Variants in MAP3K15 observed in about 807,000 individuals in gnomAD.
MAP3K15 encodes mitogen-activated protein kinase kinase kinase 15, also known as MAPK/ERK kinase kinase 15.
Under a neutral mutation model 99.5 loss-of-function variants are expected in MAP3K15, and 124 were observed. The observed-to-expected ratio is 1.25, with a 90% confidence interval of 1.08 to 1.45. The LOEUF is 1.45. Among genes scored for constraint, MAP3K15 ranks in the 40% most tolerant of loss-of-function variants. The probability of loss-of-function intolerance (pLI) is 0.00; values close to 1 mark genes in which losing one functional copy is unlikely to be tolerated. For synonymous variants in MAP3K15, 494 were observed against 439.6 expected (o/e 1.12, Z -1.55); for missense variants, 1,242 against 1,079.7 (o/e 1.15, Z -2.11).
At chrX:19,400,183 AGTT>A (rs2063597671) in intron 14 of MAP3K15, among the ~76,000 whole-genome samples, 1 of 112,152 alleles carries the variant, frequency 8.9e-6, no homozygotes, top group Non-Finnish European at 1.9e-5. Flanking sequence ...ATGATTTTAA[AGTT>A]GTTATATTTC....
chrX:19,430,145 C>T (rs187440491), intron 7 of MAP3K15, among the ~76,000 whole-genome samples: 206 of 112,315 alleles, frequency 1.8e-3, no homozygotes, highest in African/African-American at 6.2e-3. Context: ...TTCCTCCACC[C>T]TTTTGAATGT....
intron 7 of MAP3K15, among the ~76,000 whole-genome samples, chrX:19,429,487 G>A (rs974406788): frequency 9.1e-6 from 1 of 110,312 alleles, no homozygotes; most frequent in African/African-American, 3.3e-5. Context: ...GGAGGGTAGA[G>A]AATAGTAGTA....
At chrX:19,366,709 C>A (rs2063337312) in intron 25 of MAP3K15, among the ~76,000 whole-genome samples, 1 of 111,952 alleles carries the variant, frequency 8.9e-6, no homozygotes, top group Non-Finnish European at 1.9e-5. Context: ...TCCATTAAAC[C>A]TCTTACTCTT....
At chrX:19,498,807 G>T (rs1438157061) in intron 1 of MAP3K15, among the ~76,000 whole-genome samples, 1 of 112,187 alleles carries the variant, frequency 8.9e-6, no homozygotes, top group East Asian at 2.8e-4. Context: ...ATGAATCACA[G>T]ATCTAAATGT....
chrX:19,497,500 C>A (rs1218899661), intron 1 of MAP3K15: 2 of 111,704 alleles, frequency 1.8e-5, no homozygotes, highest in African/African-American at 6.5e-5. Context: ...TCTAACAAGT[C>A]TTAAAACTTT....
In MAP3K15 at chrX:19,456,850, AG is replaced by A. The variant is rs757260792; in HGVS notation, c.995+62del. On this transcript the variant is annotated intron_variant, in intron 6 of 28. Coordinates refer to ENST00000338883, the MANE Select transcript of MAP3K15 (RefSeq NM_001001671.4). ...TGGCTCATACCCGATGTTGAATGAA[AG>A]AAGGAAGCACAATTCAATGGGTGGC... is the stretch of plus-strand genomic sequence containing the variant. 2.6e-4 allele frequency: 220 copies of A among 858,579 alleles called. 4 individuals carry two copies. The South Asian group carries it at 4.9e-3, about 19-fold the overall frequency. 70.8% of individuals were successfully genotyped at this position (858,579 alleles called of 1,213,427 possible).
chrX:19,471,261 T>A (rs1262431169), intron 3 of MAP3K15, among the ~76,000 whole-genome samples: 1 of 57,960 alleles, frequency 1.7e-5, no homozygotes, highest in Non-Finnish European at 3.4e-5. Flanking sequence ...GAAAACTTCC[T>A]AAATATGATT....
chrX:19,515,097 G>A lies in MAP3K15; in HGVS notation c.165C>T (p.Gly55=). The change falls in exon 1 of 29, where the codon GGC becomes GGT. Residue 55 remains glycine (G), a synonymous_variant. Transcript: ENST00000338883. Reference sequence around the variant, plus strand: ...CTGCCCGCAGAGCCCGCCGCGGCCCGCCCCCACTCTCGCCCTCGCCGCTGC... The same window carrying A: ...CTGCCCGCAGAGCCCGCCGCGGCCCACCCCCACTCTCGCCCTCGCCGCTGC... The part of the protein sequence containing the change: ...AGGSGEGESG[G]GPRRALRAVY... The A allele has an allele frequency of 2.3e-6, 2 of 863,701 alleles. No homozygotes were observed. The highest frequency in any genetic ancestry group is 1.5e-6 in the Non-Finnish European group (1 of 675,085). 71.2% of individuals were successfully genotyped at this position (863,701 alleles called of 1,213,427 possible).
chrX:19,361,180 C>G (rs1432877041), intron 28 of MAP3K15, 159 bp downstream of exon 28: 4 of 452,071 alleles, frequency 8.8e-6, no homozygotes, highest in Non-Finnish European at 1.5e-5. Flanking sequence ...TGACTTCTGC[C>G]TGGCTTTCAG....
At position 19,392,283 on chromosome X, in the gene MAP3K15, G is replaced by A. The variant is rs968570935; in HGVS notation, c.2325+60C>T. 24 of 1,151,936 alleles carry A rather than the reference G, an allele frequency of 2.1e-5. No homozygotes were observed. The African/African-American group carries it at 2.2e-4, about 10-fold the overall frequency. The allele number at this position is 1,151,936 out of a possible 1,213,427, so 94.9% of individuals were successfully genotyped here. A position where few individuals can be genotyped will look rare whatever the true frequency, so the allele number is the denominator to read the frequency against. On this transcript the variant is annotated intron_variant, in intron 17 of 28. Transcript: ENST00000338883. Reference sequence around the variant, plus strand: ...AGCCAGTCACTCAGCAGACACCATCGACAGCTCTCATGATCTGATACGAGC... The same window carrying A: ...AGCCAGTCACTCAGCAGACACCATCAACAGCTCTCATGATCTGATACGAGC...
Position 19,369,803 on chromosome X carries a change from C to T in MAP3K15, c.3401-584G>A, listed in dbSNP as rs10218309. Among the ~76,000 whole-genome samples, 18 of 109,358 alleles carry T rather than the reference C, an allele frequency of 1.6e-4. No individual in the cohort carries two copies. In the East Asian group the frequency reaches 2.6e-3, roughly 16 times the overall value. 95.0% of individuals were successfully genotyped at this position (109,358 alleles called of 115,157 possible). ...CGCGCACCTGTAGCCCCAGCTACTCCGGAGGCTGAGGCAGGAGAATTGCTT... is the reference window on the plus strand; with the variant it reads ...CGCGCACCTGTAGCCCCAGCTACTCTGGAGGCTGAGGCAGGAGAATTGCTT... On this transcript the variant is annotated intron_variant, in intron 24 of 28. Coordinates refer to ENST00000338883, the MANE Select transcript of MAP3K15 (RefSeq NM_001001671.4).
At chrX:19,474,366 T>C (rs2064226533) in intron 3 of MAP3K15, among the ~76,000 whole-genome samples, 1 of 111,157 alleles carries the variant, frequency 9.0e-6, no homozygotes, top group Non-Finnish European at 1.9e-5. Context: ...AAAAATGTAC[T>C]CATCTATCTA....
At chrX:19,400,730 A>G (rs1261797494) in intron 13 of MAP3K15, 67 bp from the exon 14 acceptor site, 1 of 742,764 alleles carries the variant, frequency 1.3e-6, no homozygotes, top group Admixed American at 2.6e-5. Flanking sequence ...TTTTTAACTT[A>G]GCTTTATTAA....
intron 25 of MAP3K15, among the ~76,000 whole-genome samples, chrX:19,363,444 C>T (rs752696154): frequency 3.0e-4 from 33 of 111,831 alleles, no homozygotes; most frequent in African/African-American, 1.0e-3. Context: ...GTAGCCTGAA[C>T]GCACTCAGGC....
intron 3 of MAP3K15, among the ~76,000 whole-genome samples, chrX:19,483,301 C>T (rs969121576): frequency 2.4e-4 from 26 of 108,964 alleles, no homozygotes; most frequent in Non-Finnish European, 3.8e-4. Context: ...GTGCCCACTT[C>T]GCTGCCACAT....
chrX:19,463,741 GC>G (rs1180381370), intron 4 of MAP3K15, among the ~76,000 whole-genome samples: 1 of 111,207 alleles, frequency 9.0e-6, no homozygotes. Flanking sequence ...CCTGAGGATA[GC>G]TGCAGCTCCA....
At chrX:19,479,212 G>C (rs796540299) in intron 3 of MAP3K15, among the ~76,000 whole-genome samples, 2 of 111,796 alleles carry the variant, frequency 1.8e-5, no homozygotes, top group East Asian at 5.6e-4. Context: ...CTGGGAGCTC[G>C]TTAGGAAGCA....
chrX:19,469,021 G>A (rs774633118), intron 3 of MAP3K15, among the ~76,000 whole-genome samples: 64 of 111,338 alleles, frequency 5.7e-4, no homozygotes, highest in African/African-American at 2.0e-3. Flanking sequence ...GGGCTGAGAT[G>A]ATGGGGTTTT....
At position 19,418,938 on chromosome X, in the gene MAP3K15, A is replaced by C. The variant is rs370940643; in HGVS notation, c.1440-3681T>G. On this transcript the variant is annotated intron_variant, in intron 9 of 28. Transcript: ENST00000338883. ...CCAGAATTTCATATCCAGCCAAACTAAGCTTCATAAGTGAAGGAGAAATAA... is the reference window on the plus strand; with the variant it reads ...CCAGAATTTCATATCCAGCCAAACTCAGCTTCATAAGTGAAGGAGAAATAA... Among the ~76,000 whole-genome samples the C allele has an allele frequency of 1.9e-4, 21 of 111,674 alleles. No individual in the cohort carries two copies. In the East Asian group the frequency reaches 3.9e-3, roughly 21 times the overall value.
Sources: gnomAD v4.1 joint callset for allele counts (sites outside exome capture counted in the v4.1 genomes callset) on GRCh38, gnomAD v4.1.1 for gene constraint, MANE v1.5 for transcripts, NCBI Gene and HGNC (gene_info 2026-07-23, HGNC 2026-07-21) for gene names.